The following CDH13 variants were observed in gnomAD, a reference collection of about 807,000 sequenced individuals.
The protein encoded by CDH13 is cadherin-13.
CDH13 carries 24 observed loss-of-function variants against 63.8 expected under a neutral mutation model. The observed-to-expected ratio is 0.38, with a 90% confidence interval of 0.27 to 0.53. CDH13 has a LOEUF of 0.53. Ranked by LOEUF, CDH13 falls within the 20% of genes least tolerant of loss-of-function variation. CDH13 has a pLI of 0.85. For synonymous variants in CDH13, 503 were observed against 355.3 expected, an observed-to-expected ratio of 1.42 and a Z score of -4.67; for missense variants, 1,049 against 903.1, an observed-to-expected ratio of 1.16 and a Z score of -2.07.
At chr16:83,181,335 G>A (rs1007044224) in intron 4 of CDH13, among the ~76,000 whole-genome samples, 4 of 152,302 alleles carry the variant, frequency 2.6e-5, no homozygotes, top group East Asian at 3.9e-4. Context: ...ATTTGGATTT[G>A]ATAAGTCTGC....
intron 3 of CDH13, among the ~76,000 whole-genome samples, chr16:83,080,848 A>G (rs2033179893): frequency 1.6e-5 from 2 of 124,916 alleles, no homozygotes; most frequent in African/African-American, 6.4e-5. Flanking sequence ...TCCAGGCAAG[A>G]TAGAGTTTTG....
intron 2 of CDH13, among the ~76,000 whole-genome samples, chr16:82,966,306 G>A (rs577666708): frequency 2.7e-5 from 4 of 150,940 alleles, no homozygotes; most frequent in African/African-American, 9.7e-5. Flanking sequence ...CCGCCACCAC[G>A]CCCAGCTAAT....
intron 1 of CDH13, among the ~76,000 whole-genome samples, chr16:82,665,518 T>C (rs1304936885): frequency 1.3e-5 from 2 of 152,162 alleles, no homozygotes; most frequent in Non-Finnish European, 2.9e-5. Flanking sequence ...TCATAGAACA[T>C]AAGTACCATA....
intron 13 of CDH13, among the ~76,000 whole-genome samples, chr16:83,786,325 G>T (rs892692629): frequency 2.6e-5 from 4 of 152,168 alleles, no homozygotes; most frequent in African/African-American, 9.6e-5. Context: ...TGCAGTGGTA[G>T]TTCCTAAATG....
intron 1 of CDH13, among the ~76,000 whole-genome samples, chr16:82,739,503 A>C (rs1012193633): frequency 2.6e-5 from 4 of 152,250 alleles, no homozygotes; most frequent in Admixed American, 6.5e-5. Flanking sequence ...GTAACAGTTT[A>C]CAAAGGTAAG....
intron 7 of CDH13, among the ~76,000 whole-genome samples, chr16:83,487,560 G>A (rs951358983): frequency 2.0e-5 from 3 of 152,106 alleles, no homozygotes; most frequent in Non-Finnish European, 4.4e-5. Context: ...GCTACTTTAA[G>A]TAGAAGACCC....
chr16:83,779,703 A>G (rs923604039), intron 11 of CDH13, among the ~76,000 whole-genome samples: 6 of 152,046 alleles, frequency 3.9e-5, no homozygotes, highest in Non-Finnish European at 5.9e-5. Flanking sequence ...TGCTAAAAAA[A>G]TAAAGTTAGC....
chr16:83,071,209 C>G (rs1486798124), intron 3 of CDH13, among the ~76,000 whole-genome samples: 1 of 152,098 alleles, frequency 6.6e-6, no homozygotes, highest in Admixed American at 6.5e-5. Context: ...TGTTAGAAGC[C>G]TCTACAACAC....
Position 83,693,209 on chromosome 16 carries a change from CT to C in CDH13, c.1538+14749del, listed in dbSNP as rs552063655. ...GTGTAACCTTGGGCAGATTTTTAAT[CT>C]CTCTGGGCCTCAGTGTCCCCACCTG... On this transcript the variant is annotated intron_variant, in intron 10 of 13. Coordinates refer to ENST00000567109, the MANE Select transcript of CDH13 (RefSeq NM_001257.5). 5.3e-5 allele frequency among the ~76,000 whole-genome samples: 8 copies of C among 152,306 alleles called. No homozygotes were observed. The East Asian group carries it at 1.4e-3, about 26-fold the overall frequency.
chr16:83,682,897 C>G (rs1313008368), intron 10 of CDH13, among the ~76,000 whole-genome samples: 1 of 152,216 alleles, frequency 6.6e-6, no homozygotes, highest in African/African-American at 2.4e-5. Flanking sequence ...TGAGGGGGCT[C>G]CTTCCATGGT....
Position 82,988,088 on chromosome 16 carries a change from C to T in CDH13, c.158-43922C>T, listed in dbSNP as rs560659715. Among the ~76,000 whole-genome samples, 60 of 152,328 alleles carry T rather than the reference C, an allele frequency of 3.9e-4. 1 individual carries two copies. The highest frequency in any genetic ancestry group is 7.3e-5 in the Non-Finnish European group (5 of 68,036). On this transcript the variant is annotated intron_variant, in intron 2 of 13. Coordinates refer to ENST00000567109, the MANE Select transcript of CDH13 (RefSeq NM_001257.5). ...TTTTACATCTTGTAGCAATAACCCT[C>T]CTTCCTCAATCATTGAAGACTGATC...
At chr16:83,277,140 A>G (rs747981747) in intron 5 of CDH13, among the ~76,000 whole-genome samples, 7 of 152,186 alleles carry the variant, frequency 4.6e-5, no homozygotes, top group Non-Finnish European at 2.9e-5. Flanking sequence ...TGGGCACTCA[A>G]TAAATACTGG....
intron 2 of CDH13, among the ~76,000 whole-genome samples, chr16:83,008,790 G>A (rs141051133): frequency 6.6e-6 from 1 of 152,090 alleles, no homozygotes; most frequent in South Asian, 2.1e-4. Context: ...TTCTATATTA[G>A]TCCATTCTGA....
chr16:83,565,340 T>C (rs578110348), intron 7 of CDH13, among the ~76,000 whole-genome samples: 4 of 149,810 alleles, frequency 2.7e-5, no homozygotes, highest in Non-Finnish European at 5.9e-5. Flanking sequence ...CTGACAACCC[T>C]GACCTCACAT....
chr16:82,779,310 G>C (rs60297392), intron 1 of CDH13, among the ~76,000 whole-genome samples: 1,529 of 152,258 alleles, frequency 0.01, 19 homozygotes, highest in African/African-American at 0.035. Flanking sequence ...TTCAGAATCT[G>C]TGGTCTCTAC....
intron 1 of CDH13, among the ~76,000 whole-genome samples, chr16:82,678,466 T>A (rs1388725343): frequency 6.6e-6 from 1 of 152,148 alleles, no homozygotes; most frequent in African/African-American, 2.4e-5. Flanking sequence ...GAATAGGTTA[T>A]GTTTACCTTC....
chr16:83,232,809 C>A (rs561547801), intron 5 of CDH13, among the ~76,000 whole-genome samples: 4 of 152,106 alleles, frequency 2.6e-5, no homozygotes, highest in Non-Finnish European at 5.9e-5. Flanking sequence ...CTAACACAAA[C>A]CCTCATATTT....
chr16:83,288,342 G>C (rs184318967), intron 5 of CDH13, among the ~76,000 whole-genome samples: 71 of 152,322 alleles, frequency 4.7e-4, no homozygotes, highest in Middle Eastern at 3.4e-3. Context: ...AATAATGGAA[G>C]AGCAAAGAGG....
chr16:83,290,339 C>G (rs533515150), intron 5 of CDH13, among the ~76,000 whole-genome samples: 68 of 152,260 alleles, frequency 4.5e-4, no homozygotes, highest in African/African-American at 1.6e-3. Context: ...TAATAATCCC[C>G]TCGTGTCATG....
Sources: allele counts gnomAD v4.1 joint callset (sites outside exome capture counted in the v4.1 genomes callset), GRCh38; gene constraint gnomAD v4.1.1; transcripts MANE v1.5; gene names NCBI Gene and HGNC (gene_info 2026-07-23, HGNC 2026-07-21).